Variants in KIAA1549 observed in about 807,000 individuals in gnomAD.
KIAA1549 encodes the protein UPF0606 protein KIAA1549.
KIAA1549 carries 70 observed loss-of-function variants against 156.4 expected under a neutral mutation model. The ratio of observed to expected loss-of-function variants is 0.45; its 90% CI spans 0.37 to 0.55. KIAA1549 has a LOEUF of 0.55. Among genes scored for constraint, KIAA1549 ranks in the 20% least tolerant of loss-of-function variants. The pLI is 0.00. For missense variants in KIAA1549, 2,428 were observed against 2,540.9 expected (o/e 0.96, Z 0.96); for synonymous variants, 1,103 against 1,066.4 (o/e 1.03, Z -0.67).
intron 1 of KIAA1549, among the ~76,000 whole-genome samples, chr7:138,964,250 G>A (rs1386072903): frequency 1.3e-5 from 2 of 152,186 alleles, no homozygotes; most frequent in African/African-American, 4.8e-5. Context: ...ACTCTGCCCT[G>A]CAAGCAAAGC....
chr7:138,963,053 G>GT (rs1307888942), intron 1 of KIAA1549, among the ~76,000 whole-genome samples: 1 of 152,234 alleles, frequency 6.6e-6, no homozygotes, highest in Non-Finnish European at 1.5e-5. Context: ...ACTGACTGCC[G>GT]TATTTCTCTT....
intron 1 of KIAA1549, among the ~76,000 whole-genome samples, chr7:138,940,163 G>A (rs9720086): frequency 0.094 from 13,978 of 148,912 alleles, 896 homozygotes; most frequent in African/African-American, 0.18. Flanking sequence ...ATCCCTCCCC[G>A]CTCCCCCCAC....
chr7:138,955,337 C>T (rs987447961), intron 1 of KIAA1549, among the ~76,000 whole-genome samples: 2 of 152,158 alleles, frequency 1.3e-5, no homozygotes, highest in Non-Finnish European at 2.9e-5. Flanking sequence ...ACACACACTA[C>T]AACACAGGTG....
Position 138,919,040 on chromosome 7 carries a change from G to A in KIAA1549, c.586C>T (p.Pro196Ser), listed in dbSNP as rs1456749799. The A allele has an allele frequency of 1.2e-6, 2 of 1,614,022 alleles. No homozygotes were observed. Among genetic ancestry groups the A allele is most frequent in the Admixed American group, 1.7e-5 (1 of 60,016 alleles). Reference sequence around the variant, plus strand: ...TGTAAAGAAACCATGGGTAATGATGGAGTGAGCATAGGTTCTAATGCTTCC... The same window carrying A: ...TGTAAAGAAACCATGGGTAATGATGAAGTGAGCATAGGTTCTAATGCTTCC... ...PREALEPMLT[P>S]SLPMVSLQDE... The change falls in exon 2 of 20, where the codon CCA becomes TCA. Residue 196 changes from proline (P) to serine (S), a missense_variant. Around this residue, in one of 5 missense-constraint regions of KIAA1549, gnomAD observed 893 missense variants for 847.9 expected, o/e 1.05. Coordinates refer to ENST00000422774, the MANE Select transcript of KIAA1549 (RefSeq NM_001164665.2).
At chr7:138,961,385 A>G (rs1813840896) in intron 1 of KIAA1549, among the ~76,000 whole-genome samples, 1 of 152,176 alleles carries the variant, frequency 6.6e-6, no homozygotes, top group African/African-American at 2.4e-5. Context: ...TGGGCAGAAA[A>G]TAGATCTATT....
intron 1 of KIAA1549, among the ~76,000 whole-genome samples, chr7:138,960,121 T>C (rs1218669923): frequency 6.6e-6 from 1 of 151,968 alleles, no homozygotes; most frequent in African/African-American, 2.4e-5. Flanking sequence ...GCAGAGGAGA[T>C]AGTGTAAATA....
At chr7:138,951,346 C>T (rs1482908276) in intron 1 of KIAA1549, among the ~76,000 whole-genome samples, 1 of 152,176 alleles carries the variant, frequency 6.6e-6, no homozygotes, top group African/African-American at 2.4e-5. Context: ...ATCTCTCTCA[C>T]CTTCAAACAT....
intron 8 of KIAA1549, among the ~76,000 whole-genome samples, 177 bp from the exon 9 acceptor site, chr7:138,899,309 C>G (rs1241436680): frequency 6.6e-6 from 1 of 152,126 alleles, no homozygotes; most frequent in Non-Finnish European, 1.5e-5. Flanking sequence ...GGAAGAGGGA[C>G]AGTGGGGAGT....
intron 17 of KIAA1549, 22 bp downstream of exon 17, chr7:138,852,201 C>A: frequency 6.3e-7 from 1 of 1,579,574 alleles, no homozygotes; most frequent in Non-Finnish European, 8.7e-7. Context: ...AGTGATAATA[C>A]ATTTTGTTTT....
chr7:138,879,646 G>A lies in KIAA1549; in HGVS notation c.4237C>T (p.Pro1413Ser). 2.6e-6 allele frequency: 4 copies of A among 1,530,826 alleles called. No individual in the cohort carries two copies. The highest frequency in any genetic ancestry group is 3.5e-6 in the Non-Finnish European group (4 of 1,134,278). 94.8% of individuals were successfully genotyped at this position (1,530,826 alleles called of 1,614,324 possible). A position where few individuals can be genotyped will look rare whatever the true frequency, so the allele number is the denominator to read the frequency against. Residue 1413 changes from proline (P) to serine (S), a missense_variant, in exon 12 of 20, where the codon CCC (proline) becomes TCC (serine). This residue lies in a region of KIAA1549 where 404 missense variants were observed against 417.0 expected (regional missense o/e 0.97). Transcript: ENST00000422774. ...KNVRHRGRVSPSDADSTVSEE... is the reference protein window; with the variant it reads ...KNVRHRGRVSSSDADSTVSEE... ...CTGACCGTAGAGTCAGCATCTGAGG[G>A]AGAAACTCTGCAGACACAAAATGAA... is the stretch of plus-strand genomic sequence containing the variant.
intron 1 of KIAA1549, among the ~76,000 whole-genome samples, chr7:138,974,794 TA>T (rs1003151706): frequency 1.3e-5 from 2 of 150,496 alleles, no homozygotes; most frequent in Non-Finnish European, 3.0e-5. Context: ...GGGACAATTC[TA>T]ATCTAGTTGC....
intron 10 of KIAA1549, among the ~76,000 whole-genome samples, chr7:138,894,046 G>T (rs1458438065): frequency 1.3e-5 from 2 of 152,188 alleles, no homozygotes; most frequent in Admixed American, 6.5e-5. Context: ...CTCCAGCCTG[G>T]GTGACAGAGC....
In KIAA1549 at chr7:138,896,237, G is replaced by A. The variant is rs183348394; in HGVS notation, c.3848-1711C>T. On this transcript the variant is annotated intron_variant, in intron 9 of 19. Coordinates refer to ENST00000422774, the MANE Select transcript of KIAA1549 (RefSeq NM_001164665.2). ...GTCTTATGCTCCTTTCATACCCTAT[G>A]ATGGTTAACACCTGCTATGGGATCA... Among the ~76,000 whole-genome samples, 119 of 152,288 alleles carry A rather than the reference G, an allele frequency of 7.8e-4. 2 individuals carry two copies. The highest frequency in any genetic ancestry group is 2.4e-3 in the African/African-American group (98 of 41,554).
chr7:138,916,481 G>C (rs1415128369), intron 2 of KIAA1549, among the ~76,000 whole-genome samples: 7 of 152,194 alleles, frequency 4.6e-5, no homozygotes, highest in Non-Finnish European at 8.8e-5. Context: ...CGTTCTGCAG[G>C]GACTAACGCA....
At position 138,918,208 on chromosome 7, in the gene KIAA1549, T is replaced by C. The variant is rs1276774049; in HGVS notation, c.1418A>G (p.Glu473Gly). ...LMSSVVADFS[E>G]FEEDPQVFNT... is the part of the protein sequence containing the mutation. ...AAATACTTGAGGATCTTCCTCAAAT[T>C]CAGAGAAGTCTGCTACGACGCTACT... is the stretch of plus-strand genomic sequence containing the variant. Residue 473 changes from glutamate to glycine, a missense_variant, in exon 2 of 20, where the codon GAA (glutamate) becomes GGA (glycine). By Grantham distance (98) the Glu-to-Gly change is moderately conservative. Transcript: ENST00000422774. This position sits in a 1 kb window ranked among gnomAD's most constrained non-coding sequence, Gnocchi z 4.2. The C allele has an allele frequency of 6.2e-7, 1 of 1,613,984 alleles. No individual in the cohort carries two copies. Among genetic ancestry groups the C allele is most frequent in the African/African-American group, 1.3e-5 (1 of 75,032 alleles).
At chr7:138,960,318 T>TTGAG (rs1258741720) in intron 1 of KIAA1549, among the ~76,000 whole-genome samples, 9 of 151,884 alleles carry the variant, frequency 5.9e-5, no homozygotes, top group African/African-American at 1.9e-4. Flanking sequence ...TTTATTTATT[T>TTGAG]ATTTATTTTG....
At chr7:138,949,341 T>G (rs1813427937) in intron 1 of KIAA1549, among the ~76,000 whole-genome samples, 1 of 152,202 alleles carries the variant, frequency 6.6e-6, no homozygotes, top group Non-Finnish European at 1.5e-5. Flanking sequence ...CACTTTACTC[T>G]TCATATGTGA....
At chr7:138,975,133 G>A (rs938831742) in intron 1 of KIAA1549, among the ~76,000 whole-genome samples, 5 of 152,160 alleles carry the variant, frequency 3.3e-5, no homozygotes, top group Admixed American at 1.3e-4. Context: ...GTGATGATGC[G>A]AGCTAAGAGG....
At chr7:138,876,843 T>C (rs1811098218) in intron 12 of KIAA1549, among the ~76,000 whole-genome samples, 1 of 152,318 alleles carries the variant, frequency 6.6e-6, no homozygotes, top group African/African-American at 2.4e-5. Context: ...TAAGGGTTCA[T>C]GGATGGCCAT....
Sources: gnomAD v4.1 joint callset for allele counts (sites outside exome capture counted in the v4.1 genomes callset) on GRCh38, gnomAD v4.1.1 for gene constraint, gnomAD v4.1.1 regional missense constraint, Gnocchi (gnomAD v3.1) non-coding constraint, MANE v1.5 for transcripts, NCBI Gene and HGNC (gene_info 2026-07-23, HGNC 2026-07-21) for gene names.